Variants in TRPC4 observed in about 807,000 individuals in gnomAD.
The protein encoded by TRPC4 is short transient receptor potential channel 4.
A neutral mutation model predicts 99.4 loss-of-function variants in TRPC4; 49 were observed. The observed-to-expected ratio is 0.49, with a 90% CI of 0.39 to 0.63. The LOEUF (loss-of-function observed/expected upper bound fraction) is 0.63. Among genes scored for constraint, TRPC4 ranks in the 20% least tolerant of loss-of-function variants. TRPC4 has a pLI of 0.00. For synonymous variants in TRPC4, 454 were observed against 425.9 expected, an observed-to-expected ratio of 1.07 and a Z score of -0.81; for missense variants, 898 against 1,152.9, an observed-to-expected ratio of 0.78 and a Z score of 3.20.
At position 37,718,142 on chromosome 13, in the gene TRPC4, G is replaced by C. The variant is rs116180311; in HGVS notation, c.898-25807C>G. 5.5e-3 allele frequency among the ~76,000 whole-genome samples: 841 copies of C among 152,052 alleles called. 7 individuals carry two copies. Among genetic ancestry groups the C allele is most frequent in the African/African-American group, 0.019 (803 of 41,492 alleles). On this transcript the variant is annotated intron_variant, in intron 3 of 10. Coordinates refer to ENST00000379705, the MANE Select transcript of TRPC4 (RefSeq NM_016179.4). ...AAGAGAGAATTCCATAAAAGAGGGAGTCAGAAAAAAGATTCCCAAATTCTC... is the reference window on the plus strand; with the variant it reads ...AAGAGAGAATTCCATAAAAGAGGGACTCAGAAAAAAGATTCCCAAATTCTC...
At chr13:37,841,374 T>C (rs1020762800) in intron 1 of TRPC4, among the ~76,000 whole-genome samples, 10 of 152,060 alleles carry the variant, frequency 6.6e-5, no homozygotes, top group African/African-American at 2.2e-4. Context: ...TACCTTTTCC[T>C]TTTTAAAAAT....
chr13:37,855,378 C>A (rs1959164916), intron 1 of TRPC4, among the ~76,000 whole-genome samples: 1 of 143,596 alleles, frequency 7.0e-6, no homozygotes, highest in African/African-American at 2.7e-5. Flanking sequence ...CTAAAGCACC[C>A]AGATAGAAAA....
Position 37,663,610 on chromosome 13 carries a change from T to C in TRPC4, c.1494A>G (p.Ala498=), listed in dbSNP as rs777587553. ...TTTGCAGAGGTCCCAGGTGAGAATTTGCAGTAAACAGTGAGATCAGACGCA... is the reference window on the plus strand; with the variant it reads ...TTTGCAGAGGTCCCAGGTGAGAATTCGCAGTAAACAGTGAGATCAGACGCA... The part of the protein sequence containing the change: ...SSLRLISLFT[A]NSHLGPLQIS... The change falls in exon 6 of 11, where the codon GCA becomes GCG. Residue 498 remains alanine, a synonymous_variant. Transcript: ENST00000379705. 1.2e-6 allele frequency: 2 copies of C among 1,614,192 alleles called. No homozygotes were observed. Among genetic ancestry groups the C allele is most frequent in the Admixed American group, 3.3e-5 (2 of 60,024 alleles).
chr13:37,819,652 A>G (rs1010136292), intron 1 of TRPC4, among the ~76,000 whole-genome samples: 10 of 151,940 alleles, frequency 6.6e-5, no homozygotes, highest in African/African-American at 2.2e-4. Flanking sequence ...GGGGAACAAC[A>G]CATACTAAGA....
intron 3 of TRPC4, among the ~76,000 whole-genome samples, chr13:37,693,167 A>AT (rs1255556850): frequency 2.0e-5 from 3 of 151,844 alleles, no homozygotes; most frequent in Non-Finnish European, 2.9e-5. Context: ...TATTTCTCAG[A>AT]TTTTTTTTCT....
At chr13:37,691,763 A>G (rs1953719779) in intron 4 of TRPC4, among the ~76,000 whole-genome samples, 1 of 152,244 alleles carries the variant, frequency 6.6e-6, no homozygotes, top group Non-Finnish European at 1.5e-5. Flanking sequence ...ATATGAAGTC[A>G]TTAAAATCTG....
intron 2 of TRPC4, among the ~76,000 whole-genome samples, chr13:37,766,489 A>C (rs1956371012): frequency 2.0e-5 from 3 of 151,390 alleles, no homozygotes; most frequent in Admixed American, 1.3e-4. Flanking sequence ...CTTCCTATGG[A>C]TCCTTTTTGG....
intron 3 of TRPC4, among the ~76,000 whole-genome samples, chr13:37,731,033 G>A (rs928551504): frequency 1.1e-4 from 16 of 151,752 alleles, no homozygotes; most frequent in Non-Finnish European, 1.3e-4. Context: ...GGTCTATTCT[G>A]AAGTTCTGAG....
In TRPC4 at chr13:37,850,366, T is replaced by A. The variant is rs1411592933; in HGVS notation, c.-28+19229A>T. Among the ~76,000 whole-genome samples the A allele has an allele frequency of 2.0e-5, 3 of 152,248 alleles. No homozygotes were observed. In the East Asian group the frequency reaches 5.8e-4, roughly 29 times the overall value. On this transcript the variant is annotated intron_variant, in intron 1 of 10. Transcript: ENST00000379705. ...TTGGAACTCAGTTACAAGTAATTTG[T>A]GCCAGATTAATAGTTTTATCTACAA...
At chr13:37,667,811 G>C (rs1444263870) in intron 5 of TRPC4, among the ~76,000 whole-genome samples, 3 of 152,138 alleles carry the variant, frequency 2.0e-5, no homozygotes, top group Admixed American at 2.0e-4. Context: ...TTCACTACTG[G>C]TAATTCCTCA....
intron 3 of TRPC4, among the ~76,000 whole-genome samples, chr13:37,726,590 GAAGT>G (rs1240076956): frequency 4.6e-5 from 7 of 152,106 alleles, no homozygotes; most frequent in Non-Finnish European, 7.4e-5. Flanking sequence ...CAAAATGACA[GAAGT>G]AAGTATCCTT....
chr13:37,839,253 CT>C (rs767490607), intron 1 of TRPC4, among the ~76,000 whole-genome samples: 2 of 152,082 alleles, frequency 1.3e-5, no homozygotes, highest in South Asian at 2.1e-4. Context: ...TGTTCTCCCC[CT>C]TTGTGGAGTC....
intron 4 of TRPC4, among the ~76,000 whole-genome samples, chr13:37,684,967 A>G (rs1187111331): frequency 2.0e-5 from 3 of 152,178 alleles, no homozygotes; most frequent in South Asian, 2.1e-4. Context: ...CTTTCTTGGA[A>G]TGGATTGCTT....
rs567929281 is a variant in TRPC4, at chr13:37,714,963, G to A, written c.898-22628C>T. 2.1e-4 allele frequency among the ~76,000 whole-genome samples: 32 copies of A among 152,196 alleles called. 1 individual carries two copies. In the South Asian group the frequency reaches 5.2e-3, roughly 25 times the overall value. On this transcript the variant is annotated intron_variant, in intron 3 of 10. Coordinates refer to ENST00000379705, the MANE Select transcript of TRPC4 (RefSeq NM_016179.4). The stretch of plus-strand genomic sequence containing the variant: ...ACCAAAGCCTAACAATTCCTAATAC[G>A]TATAGGTACACAAACAATATTTGTT...
chr13:37,661,071 A>G (rs1345435880), intron 6 of TRPC4, among the ~76,000 whole-genome samples: 2 of 152,232 alleles, frequency 1.3e-5, no homozygotes, highest in African/African-American at 4.8e-5. Flanking sequence ...AAATAATTCA[A>G]GTGCAATAAC....
chr13:37,819,840 A>C (rs1192287200), intron 1 of TRPC4, among the ~76,000 whole-genome samples: 2 of 151,760 alleles, frequency 1.3e-5, no homozygotes, highest in Admixed American at 6.6e-5. Flanking sequence ...AAAAAAAAAA[A>C]CAAAAAAAGA....
At chr13:37,837,692 T>C (rs1206413564) in intron 1 of TRPC4, among the ~76,000 whole-genome samples, 1 of 152,190 alleles carries the variant, frequency 6.6e-6, no homozygotes, top group Non-Finnish European at 1.5e-5. Context: ...TTATCTTGGA[T>C]GAGACTTTGC....
At chr13:37,644,674 T>C (rs1400954096) in intron 8 of TRPC4, among the ~76,000 whole-genome samples, 1 of 151,730 alleles carries the variant, frequency 6.6e-6, no homozygotes, top group Non-Finnish European at 1.5e-5. Context: ...CTCAAGACCA[T>C]CCTGGCTAAC....
intron 1 of TRPC4, among the ~76,000 whole-genome samples, chr13:37,844,088 C>T (rs74719565): frequency 0.011 from 1,658 of 152,288 alleles, 23 homozygotes; most frequent in African/African-American, 0.038. Context: ...ATATCTGTCT[C>T]ATCCCATGGG....
Sources: allele counts gnomAD v4.1 joint callset (sites outside exome capture counted in the v4.1 genomes callset), GRCh38; gene constraint gnomAD v4.1.1; transcripts MANE v1.5; gene names NCBI Gene and HGNC (gene_info 2026-07-23, HGNC 2026-07-21).